Variants in SEMA3A observed in about 807,000 individuals in gnomAD.
SEMA3A encodes the protein semaphorin-3A.
SEMA3A carries 29 observed loss-of-function variants against 97.9 expected under a neutral mutation model. The observed-to-expected ratio is 0.30, with a 90% CI of 0.22 to 0.40. The LOEUF is 0.40. SEMA3A is among the 10% of genes least tolerant of loss of function. The probability of loss-of-function intolerance (pLI) is 1.00; values close to 1 mark genes in which losing one functional copy is unlikely to be tolerated. For synonymous variants in SEMA3A, 321 were observed against 323.7 expected (o/e 0.99, Z 0.09); for missense variants, 763 against 951.3 (o/e 0.80, Z 2.60).
At chr7:84,427,678 A>C (rs1804864023) in intron 1 of SEMA3A, among the ~76,000 whole-genome samples, 2 of 142,056 alleles carry the variant, frequency 1.4e-5, no homozygotes. Context: ...AAAAGTATTC[A>C]CTCATATGTA....
intron 3 of SEMA3A, among the ~76,000 whole-genome samples, chr7:84,116,346 C>CT (rs1031859845): frequency 1.3e-5 from 2 of 152,004 alleles, no homozygotes; most frequent in African/African-American, 4.8e-5. Flanking sequence ...CCTTTTCTTT[C>CT]TTTTTTTCAT....
At chr7:84,115,436 C>G (rs1795395083) in intron 3 of SEMA3A, among the ~76,000 whole-genome samples, 1 of 112,460 alleles carries the variant, frequency 8.9e-6, no homozygotes, top group African/African-American at 3.0e-5. Flanking sequence ...AACCTTCAAA[C>G]ATGTTCAAAA....
intron 1 of SEMA3A, among the ~76,000 whole-genome samples, chr7:84,392,873 C>T (rs929252885): frequency 2.6e-5 from 4 of 151,974 alleles, no homozygotes; most frequent in African/African-American, 9.7e-5. Context: ...GTCCTTTATT[C>T]ATTTCTTAAT....
intron 3 of SEMA3A, among the ~76,000 whole-genome samples, chr7:84,260,381 G>C (rs1221860459): frequency 6.6e-6 from 1 of 152,144 alleles, no homozygotes; most frequent in Non-Finnish European, 1.5e-5. Context: ...GTGGGAGCCA[G>C]GAACAGGCGA....
chr7:84,486,860 GTAAAA>G (rs1460486199), intron 1 of SEMA3A, among the ~76,000 whole-genome samples: 5 of 152,072 alleles, frequency 3.3e-5, no homozygotes, highest in African/African-American at 1.2e-4. Flanking sequence ...TATGTAGCAT[GTAAAA>G]TTCAAGCATA....
At chr7:84,359,676 T>A (rs977286137) in intron 2 of SEMA3A, among the ~76,000 whole-genome samples, 1 of 152,186 alleles carries the variant, frequency 6.6e-6, no homozygotes, top group Non-Finnish European at 1.5e-5. Flanking sequence ...GAGGATTCCC[T>A]CTTTTTCTAT....
chr7:84,247,165 C>A (rs1408161409), intron 3 of SEMA3A, among the ~76,000 whole-genome samples: 2 of 152,028 alleles, frequency 1.3e-5, no homozygotes, highest in Non-Finnish European at 2.9e-5. Context: ...AAAGACTTAT[C>A]CGATTTTTGT....
chr7:83,993,545 TA>T (rs1418321186), intron 12 of SEMA3A, among the ~76,000 whole-genome samples: 2 of 150,844 alleles, frequency 1.3e-5, no homozygotes, highest in East Asian at 3.9e-4. Context: ...TGCTTGTCTG[TA>T]AAGTATTTTA....
At chr7:84,386,561 T>A (rs1437893436) in intron 1 of SEMA3A, among the ~76,000 whole-genome samples, 3 of 152,166 alleles carry the variant, frequency 2.0e-5, no homozygotes, top group African/African-American at 7.2e-5. Flanking sequence ...ATATTCAGTT[T>A]TATTCTGTGC....
intron 3 of SEMA3A, among the ~76,000 whole-genome samples, chr7:84,301,181 T>C (rs1176075141): frequency 4.6e-5 from 7 of 152,060 alleles, no homozygotes; most frequent in African/African-American, 1.4e-4. Context: ...AACCTTGGGG[T>C]AAGCAAAGGC....
intron 15 of SEMA3A, 51 bp downstream of exon 15, chr7:83,977,081 T>G (rs1789179423): frequency 9.0e-7 from 1 of 1,116,998 alleles, no homozygotes; most frequent in African/African-American, 1.6e-5. Context: ...TATGCATTAT[T>G]ATGATTTTAG....
chr7:84,216,852 AG>A (rs1218115537), intron 3 of SEMA3A, among the ~76,000 whole-genome samples: 4 of 152,118 alleles, frequency 2.6e-5, no homozygotes, highest in Admixed American at 2.6e-4. Flanking sequence ...CATCACACAA[AG>A]GGGTCTTCAT....
chr7:84,151,199 G>C (rs1356098436), intron 1 of SEMA3A, among the ~76,000 whole-genome samples: 1 of 151,962 alleles, frequency 6.6e-6, no homozygotes, highest in Admixed American at 6.6e-5. Flanking sequence ...TCCTCCAAAG[G>C]AACGCAGCTC....
intron 3 of SEMA3A, among the ~76,000 whole-genome samples, chr7:84,229,243 A>C (rs1432030870): frequency 1.3e-5 from 2 of 152,144 alleles, no homozygotes; most frequent in African/African-American, 4.8e-5. Flanking sequence ...AAACCAAATA[A>C]TTCAGACATT....
chr7:84,166,596 G>C (rs867252313), intron 1 of SEMA3A, among the ~76,000 whole-genome samples: 21 of 151,370 alleles, frequency 1.4e-4, no homozygotes, highest in South Asian at 1.3e-3. Flanking sequence ...TTGCCGGGGG[G>C]GCGCAGTGGC....
chr7:84,066,182 G>T (rs933295149), intron 4 of SEMA3A, among the ~76,000 whole-genome samples: 233 of 151,928 alleles, frequency 1.5e-3, no homozygotes, highest in Middle Eastern at 3.4e-3. Context: ...CATGATTATC[G>T]CAATAGATGC....
At chr7:84,394,916 T>C (rs766369974) in intron 1 of SEMA3A, among the ~76,000 whole-genome samples, 3 of 152,132 alleles carry the variant, frequency 2.0e-5, no homozygotes, top group Non-Finnish European at 4.4e-5. Context: ...GAATGAGGTG[T>C]ACTCAAAAGT....
At chr7:84,335,258 G>C (rs1010358212) in intron 2 of SEMA3A, among the ~76,000 whole-genome samples, 1 of 151,972 alleles carries the variant, frequency 6.6e-6, no homozygotes, top group African/African-American at 2.4e-5. Context: ...ATTGGTCTTG[G>C]TATAATAATG....
rs181732509 is a variant in SEMA3A at position 84,178,650 on chromosome 7, T to C, written c.112+15825A>G. ...AGTGCCTTGCTAATGTACCCAAATA[T>C]ATAAATTAAATATAATAATTATTGC... On this transcript the variant is annotated intron_variant, in intron 1 of 16. Coordinates refer to ENST00000265362, the MANE Select transcript of SEMA3A (RefSeq NM_006080.3). 8.2e-4 allele frequency among the ~76,000 whole-genome samples: 125 copies of C among 152,154 alleles called. 1 individual carries two copies. Among genetic ancestry groups the C allele is most frequent in the African/African-American group, 2.9e-3 (121 of 41,546 alleles).
Sources: allele counts gnomAD v4.1 joint callset (sites outside exome capture counted in the v4.1 genomes callset), GRCh38; gene constraint gnomAD v4.1.1; transcripts MANE v1.5; gene names NCBI Gene and HGNC (gene_info 2026-07-23, HGNC 2026-07-21).